Variants in CNTN5 observed in about 807,000 individuals in gnomAD.
CNTN5 encodes contactin 5.
Under a neutral mutation model 129.1 loss-of-function variants are expected in CNTN5, and 77 were observed. The ratio of observed to expected loss-of-function variants is 0.60; its 90% CI spans 0.50 to 0.72. The LOEUF is 0.72. CNTN5 is among the 30% of genes least tolerant of loss of function. The pLI is 0.00. For missense variants in CNTN5, 1,478 were observed against 1,328.8 expected, an observed-to-expected ratio of 1.11 and a Z score of -1.75; for synonymous variants, 509 against 465.6, an observed-to-expected ratio of 1.09 and a Z score of -1.20.
chr11:99,738,237 C>T (rs988288617), intron 3 of CNTN5, among the ~76,000 whole-genome samples: 1 of 152,108 alleles, frequency 6.6e-6, no homozygotes, highest in Admixed American at 6.6e-5. Context: ...GGCCCTAATC[C>T]AGTCTGACTG....
At chr11:99,968,905 G>A (rs1951172787) in intron 8 of CNTN5, among the ~76,000 whole-genome samples, 1 of 151,766 alleles carries the variant, frequency 6.6e-6, no homozygotes. Flanking sequence ...CAGGAATATA[G>A]AAAATTTGGC....
At chr11:99,991,263 C>T (rs768507652) in intron 8 of CNTN5, among the ~76,000 whole-genome samples, 14 of 152,002 alleles carry the variant, frequency 9.2e-5, no homozygotes, top group African/African-American at 2.7e-4. Flanking sequence ...GCCAGGAGAT[C>T]GAGACCATCC....
intron 17 of CNTN5, among the ~76,000 whole-genome samples, chr11:100,269,873 G>A (rs1950376127): frequency 6.6e-6 from 1 of 152,104 alleles, no homozygotes; most frequent in Admixed American, 6.5e-5. Flanking sequence ...TGGTGATACA[G>A]TGTAGGTTCT....
chr11:99,506,702 C>T (rs1001187305), intron 2 of CNTN5, among the ~76,000 whole-genome samples: 1 of 151,998 alleles, frequency 6.6e-6, no homozygotes, highest in Admixed American at 6.6e-5. Flanking sequence ...AATTAAATAA[C>T]CAGTAGTTCT....
intron 3 of CNTN5, among the ~76,000 whole-genome samples, chr11:99,753,085 C>A (rs1396154503): frequency 1.4e-5 from 2 of 143,232 alleles, no homozygotes; most frequent in African/African-American, 5.2e-5. Flanking sequence ...GTCTGAGATC[C>A]TTTAAGGATT....
At chr11:99,371,643 C>T (rs947705807) in intron 2 of CNTN5, among the ~76,000 whole-genome samples, 14 of 152,100 alleles carry the variant, frequency 9.2e-5, no homozygotes, top group African/African-American at 3.4e-4. Flanking sequence ...AAAAATATTA[C>T]TCTGCTTACA....
At chr11:100,072,215 A>G (rs1943949176) in intron 12 of CNTN5, among the ~76,000 whole-genome samples, 1 of 152,170 alleles carries the variant, frequency 6.6e-6, no homozygotes. Context: ...GCAATGCTTA[A>G]TAATTTCCCA....
intron 2 of CNTN5, among the ~76,000 whole-genome samples, chr11:99,463,808 A>G (rs1430735028): frequency 6.6e-6 from 1 of 152,178 alleles, no homozygotes; most frequent in Admixed American, 6.5e-5. Context: ...ATGTATGTGT[A>G]AAGACAGAAT....
At chr11:100,245,978 G>A (rs1949832592) in intron 16 of CNTN5, among the ~76,000 whole-genome samples, 1 of 152,024 alleles carries the variant, frequency 6.6e-6, no homozygotes, top group South Asian at 2.1e-4. Context: ...TATTATTTCA[G>A]TATTTTCCCC....
At chr11:99,626,623 T>C (rs1460382514) in intron 3 of CNTN5, among the ~76,000 whole-genome samples, 1 of 152,162 alleles carries the variant, frequency 6.6e-6, no homozygotes, top group East Asian at 1.9e-4. Context: ...TTTTAGTATG[T>C]CATTTTATTT....
chr11:99,256,204 A>G (rs1244214449), intron 1 of CNTN5, among the ~76,000 whole-genome samples: 1 of 152,094 alleles, frequency 6.6e-6, no homozygotes, highest in African/African-American at 2.4e-5. Flanking sequence ...TTGAGGACAC[A>G]TTTTCTATAG....
intron 3 of CNTN5, among the ~76,000 whole-genome samples, chr11:99,559,120 A>G (rs1459228172): frequency 6.6e-6 from 1 of 151,870 alleles, no homozygotes; most frequent in East Asian, 1.9e-4. Context: ...GTATTTTATT[A>G]TTTCATTTTC....
chr11:99,759,458 C>T (rs890214972), intron 3 of CNTN5, among the ~76,000 whole-genome samples: 4 of 151,856 alleles, frequency 2.6e-5, no homozygotes, highest in Non-Finnish European at 2.9e-5. Context: ...TATGAAGGCA[C>T]GTAAACTGAA....
At chr11:99,342,706 G>C (rs1485525814) in intron 2 of CNTN5, among the ~76,000 whole-genome samples, 1 of 150,992 alleles carries the variant, frequency 6.6e-6, no homozygotes, top group South Asian at 2.1e-4. Context: ...ACTCCAGCTT[G>C]GGCAACAGAG....
At chr11:100,296,552 T>C (rs1270803827) in intron 18 of CNTN5, among the ~76,000 whole-genome samples, 2 of 151,498 alleles carry the variant, frequency 1.3e-5, no homozygotes, top group Non-Finnish European at 3.0e-5. Context: ...AAGAGAATTG[T>C]GTTCATGGAG....
chr11:99,754,080 G>A (rs1231323763), intron 3 of CNTN5, among the ~76,000 whole-genome samples: 2 of 152,204 alleles, frequency 1.3e-5, no homozygotes, highest in Non-Finnish European at 2.9e-5. Context: ...TAAATTCAGG[G>A]CTATCGTTTA....
intron 3 of CNTN5, among the ~76,000 whole-genome samples, chr11:99,657,856 A>T (rs1231196349): frequency 6.6e-6 from 1 of 152,112 alleles, no homozygotes; most frequent in Non-Finnish European, 1.5e-5. Context: ...GAAGGATGAG[A>T]TGTGTTAAGA....
rs561611129 is a variant in CNTN5 at position 100,227,051 on chromosome 11, A to T, written c.2005+2239A>T. On this transcript the variant is annotated intron_variant, in intron 16 of 24. Transcript: ENST00000524871. ...CAAATATGTGTCACAGAGAGATGGG[A>T]ATATTAAAAACAATTTCCCCATTCA... Among the ~76,000 whole-genome samples, 13 of 152,132 alleles carry T rather than the reference A, an allele frequency of 8.5e-5. No individual in the cohort carries two copies. The South Asian group carries it at 2.7e-3, about 32-fold the overall frequency.
At position 100,177,649 on chromosome 11, in the gene CNTN5, T is replaced by C. The variant is rs185883756; in HGVS notation, c.1581-13477T>C. Among the ~76,000 whole-genome samples, 273 of 152,306 alleles carry C rather than the reference T, an allele frequency of 1.8e-3. 1 individual carries two copies. Among genetic ancestry groups the C allele is most frequent in the Non-Finnish European group, 3.1e-3 (214 of 68,012 alleles). On this transcript the variant is annotated intron_variant, in intron 13 of 24. Transcript: ENST00000524871. ...AAGGTGTGTCTCTGTTTAGCACTTA[T>C]CTCCTTTAATTAAAATTGTATGTAT... is the stretch of plus-strand genomic sequence containing the variant.
Sources: allele counts gnomAD v4.1 joint callset (sites outside exome capture counted in the v4.1 genomes callset), GRCh38; gene constraint gnomAD v4.1.1; transcripts MANE v1.5; gene names NCBI Gene and HGNC (gene_info 2026-07-23, HGNC 2026-07-21).